The following ACVR2A variants were observed in gnomAD, a reference collection of about 807,000 sequenced individuals.
ACVR2A encodes activin receptor type-2A.
ACVR2A carries 7 observed loss-of-function variants against 61.4 expected under a neutral mutation model. The ratio of observed to expected loss-of-function variants is 0.11; its 90% CI spans 0.06 to 0.21. The LOEUF is 0.21. Among genes scored for constraint, ACVR2A ranks in the 10% least tolerant of loss-of-function variants. The pLI, the probability that ACVR2A is intolerant of heterozygous loss-of-function variation, is 1.00. For missense variants in ACVR2A, 322 were observed against 621.7 expected (o/e 0.52, Z 5.13); for synonymous variants, 193 against 208.3 (o/e 0.93, Z 0.63).
At chr2:147,875,248 C>A (rs989750023) in intron 1 of ACVR2A, among the ~76,000 whole-genome samples, 5 of 151,856 alleles carry the variant, frequency 3.3e-5, no homozygotes, top group Non-Finnish European at 7.4e-5. Flanking sequence ...ATACTCTTTT[C>A]CATCAGTTAA....
At chr2:147,922,248 C>T (rs1419134122) in intron 8 of ACVR2A, among the ~76,000 whole-genome samples, 1 of 151,940 alleles carries the variant, frequency 6.6e-6, no homozygotes, top group Non-Finnish European at 1.5e-5. Context: ...CATAAATTGC[C>T]CAACTTTTAG....
At chr2:147,876,006 G>A (rs144762986) in intron 1 of ACVR2A, among the ~76,000 whole-genome samples, 1 of 152,220 alleles carries the variant, frequency 6.6e-6, no homozygotes, top group Non-Finnish European at 1.5e-5. Context: ...AAACAGGGAA[G>A]CAGAAATAGA....
At chr2:147,893,913 A>G (rs1490354174) in intron 1 of ACVR2A, among the ~76,000 whole-genome samples, 1 of 152,072 alleles carries the variant, frequency 6.6e-6, no homozygotes, top group East Asian at 1.9e-4. Flanking sequence ...TGTAGGTCAT[A>G]TGTGTTGTTC....
intron 1 of ACVR2A, among the ~76,000 whole-genome samples, chr2:147,890,132 A>G (rs1686545482): frequency 1.3e-5 from 2 of 152,152 alleles, no homozygotes; most frequent in African/African-American, 4.8e-5. Context: ...ATAGGGAGGA[A>G]CATTAGATTA....
At chr2:147,881,850 G>A (rs1452663646) in intron 1 of ACVR2A, among the ~76,000 whole-genome samples, 3 of 152,032 alleles carry the variant, frequency 2.0e-5, no homozygotes, top group Non-Finnish European at 4.4e-5. Context: ...CCTATGTAGA[G>A]TATCTTCTGT....
intron 1 of ACVR2A, among the ~76,000 whole-genome samples, chr2:147,864,320 C>T (rs1021437763): frequency 1.3e-5 from 2 of 152,086 alleles, no homozygotes; most frequent in Non-Finnish European, 2.9e-5. Context: ...ACCTCCACCT[C>T]CCAGTTTCAA....
At chr2:147,923,980 T>C (rs1687444895) in intron 9 of ACVR2A, among the ~76,000 whole-genome samples, 1 of 152,086 alleles carries the variant, frequency 6.6e-6, no homozygotes, top group African/African-American at 2.4e-5. Flanking sequence ...CACTGGAATA[T>C]GAAATTCAAT....
chr2:147,922,701 A>G (rs1687413282), intron 8 of ACVR2A, among the ~76,000 whole-genome samples: 1 of 152,158 alleles, frequency 6.6e-6, no homozygotes, highest in Non-Finnish European at 1.5e-5. Context: ...GTTGAAAAGT[A>G]TGCAGCATCC....
At chr2:147,867,173 G>A (rs1040549939) in intron 1 of ACVR2A, among the ~76,000 whole-genome samples, 1 of 152,106 alleles carries the variant, frequency 6.6e-6, no homozygotes, top group Non-Finnish European at 1.5e-5. Context: ...TTGGTAAAGT[G>A]GTGGAGACAA....
chr2:147,864,263 T>C (rs1685798521), intron 1 of ACVR2A, among the ~76,000 whole-genome samples: 1 of 152,186 alleles, frequency 6.6e-6, no homozygotes, highest in Non-Finnish European at 1.5e-5. Context: ...GGAGTCTAAC[T>C]GTGTCACCCA....
At chr2:147,926,953 A>G (rs1687514784) in intron 10 of ACVR2A, 127 bp from the exon 11 acceptor site, 1 of 887,906 alleles carries the variant, frequency 1.1e-6, no homozygotes, top group Non-Finnish European at 1.7e-6. Context: ...GGTAGTCAAT[A>G]AAAGTGAATG....
At chr2:147,863,410 C>T (rs1685774981) in intron 1 of ACVR2A, among the ~76,000 whole-genome samples, 1 of 152,044 alleles carries the variant, frequency 6.6e-6, no homozygotes. Context: ...GTATTGACAC[C>T]CTGTGAGGTT....
chr2:147,893,632 A>G (rs1010656127), intron 1 of ACVR2A, among the ~76,000 whole-genome samples: 4 of 152,154 alleles, frequency 2.6e-5, no homozygotes, highest in Non-Finnish European at 4.4e-5. Flanking sequence ...GATGATTGAT[A>G]ATATTGGGTA....
At chr2:147,914,641 A>G (rs1359870819) in intron 4 of ACVR2A, among the ~76,000 whole-genome samples, 2 of 151,974 alleles carry the variant, frequency 1.3e-5, no homozygotes, top group Non-Finnish European at 2.9e-5. Flanking sequence ...ATTTACTTAC[A>G]TATTTCCTGT....
chr2:147,865,012 A>AT (rs529503718), intron 1 of ACVR2A, among the ~76,000 whole-genome samples: 413 of 151,950 alleles, frequency 2.7e-3, no homozygotes, highest in Middle Eastern at 0.01. Context: ...ACACCAAGTG[A>AT]CTTTTTTTTT....
chr2:147,844,935 C>T (rs1442596183), upstream of ACVR2A: 1 of 461,554 alleles, frequency 2.2e-6, no homozygotes, highest in Non-Finnish European at 3.7e-6. Context: ...GTTTTTCCCC[C>T]GTGGTGCATT....
intron 2 of ACVR2A, chr2:147,897,121 G>A (rs1488155239): frequency 1.3e-5 from 2 of 152,542 alleles, no homozygotes; most frequent in African/African-American, 4.8e-5. Context: ...CAATTCTTCT[G>A]CCTCAGCCTC....
intron 7 of ACVR2A, among the ~76,000 whole-genome samples, 195 bp downstream of exon 7, chr2:147,918,787 G>GTTACAT (rs1687311883): frequency 6.6e-6 from 1 of 151,856 alleles, no homozygotes. Context: ...TAACATTATT[G>GTTACAT]GTAAAGTTTA....
intron 7 of ACVR2A, among the ~76,000 whole-genome samples, chr2:147,919,734 A>G (rs1443035012): frequency 6.6e-6 from 1 of 152,154 alleles, no homozygotes; most frequent in African/African-American, 2.4e-5. Flanking sequence ...TATTCATTCC[A>G]TAAGATGCTT....
Sources: gnomAD v4.1 joint callset for allele counts (sites outside exome capture counted in the v4.1 genomes callset) on GRCh38, gnomAD v4.1.1 for gene constraint, MANE v1.5 for transcripts, NCBI Gene and HGNC (gene_info 2026-07-23, HGNC 2026-07-21) for gene names.